The following SDK1 variants were observed in gnomAD, a reference collection of about 807,000 sequenced individuals.
SDK1 encodes sidekick cell adhesion molecule 1.
In SDK1, 157 loss-of-function variants were observed where a neutral mutation model predicts 245.5. The ratio of observed to expected loss-of-function variants is 0.64; its 90% CI spans 0.56 to 0.73. The LOEUF (loss-of-function observed/expected upper bound fraction) is 0.73. SDK1 is among the 30% of genes least tolerant of loss of function. SDK1 has a pLI of 0.00. For missense variants in SDK1, 3,583 were observed against 3,002.3 expected, an observed-to-expected ratio of 1.19 and a Z score of -4.52; for synonymous variants, 1,647 against 1,278.5, an observed-to-expected ratio of 1.29 and a Z score of -6.15.
At chr7:4,022,753 G>A (rs540934231) in intron 17 of SDK1, among the ~76,000 whole-genome samples, 8 of 151,056 alleles carry the variant, frequency 5.3e-5, no homozygotes, top group East Asian at 3.9e-4. Context: ...CACACTCCTC[G>A]TTTTTCTTTT....
rs1341134819 is a variant in SDK1 at position 3,962,778 on chromosome 7, C to G, written c.1356C>G (p.Asp452Glu). Residue 452 changes from aspartate (D) to glutamate (E), a missense_variant, in exon 9 of 45, where the codon GAC becomes GAG. Transcript: ENST00000404826. ...GLRIQKLRPE[D>E]SGIFQCFASN... ...GCATCCAGAAGCTGCGTCCAGAGGA[C>G]TCCGGAATCTTCCAGTGCTTCGCCA... The G allele has an allele frequency of 6.2e-7, 1 of 1,613,714 alleles. No homozygotes were observed. Among genetic ancestry groups the G allele is most frequent in the Middle Eastern group, 1.7e-4 (1 of 6,058 alleles).
At chr7:3,525,021 A>G (rs1040674190) in intron 1 of SDK1, among the ~76,000 whole-genome samples, 3 of 152,200 alleles carry the variant, frequency 2.0e-5, no homozygotes, top group Non-Finnish European at 4.4e-5. Flanking sequence ...CCAATACAAC[A>G]ATAGAAATAA....
chr7:4,250,079 C>A (rs1209034061), intron 44 of SDK1, among the ~76,000 whole-genome samples: 1 of 152,182 alleles, frequency 6.6e-6, no homozygotes, highest in Non-Finnish European at 1.5e-5. Context: ...CTCTTGGCAA[C>A]CAGTAAGCTA....
chr7:4,017,597 G>T (rs560719286), intron 17 of SDK1, among the ~76,000 whole-genome samples: 6 of 152,084 alleles, frequency 3.9e-5, no homozygotes, highest in Non-Finnish European at 8.8e-5. Context: ...TTCTGTACAC[G>T]CCTTTTGACG....
At chr7:3,805,381 A>C (rs887240576) in intron 4 of SDK1, among the ~76,000 whole-genome samples, 1 of 152,178 alleles carries the variant, frequency 6.6e-6, no homozygotes, top group African/African-American at 2.4e-5. Context: ...TTGATGCTCA[A>C]ATTGCCCCTT....
Position 4,237,747 on chromosome 7 carries a change from G to A in SDK1, c.6093G>A (p.Leu2031=), listed in dbSNP as rs1290326585. 3 of 1,614,044 alleles carry A rather than the reference G, an allele frequency of 1.9e-6. No homozygotes were observed. The highest frequency in any genetic ancestry group is 1.7e-5 in the Admixed American group (1 of 60,004). ...VILLVVFALV[L]HGQNKKYKNC... ...TGCTGGTGGTGTTCGCCCTCGTCCT[G>A]CACGGGCAGAATAAGAAGTATAAGA... Residue 2031 remains leucine, a synonymous_variant, in exon 42 of 45, where the codon CTG becomes CTA. Coordinates refer to ENST00000404826, the MANE Select transcript of SDK1 (RefSeq NM_152744.4).
At chr7:3,613,558 C>T (rs751295204) in intron 1 of SDK1, among the ~76,000 whole-genome samples, 2 of 152,062 alleles carry the variant, frequency 1.3e-5, no homozygotes, top group African/African-American at 4.8e-5. Context: ...TAAATTAGTT[C>T]AGCCATTGTG....
At chr7:3,520,572 A>T (rs538016521) in intron 1 of SDK1, among the ~76,000 whole-genome samples, 1 of 152,318 alleles carries the variant, frequency 6.6e-6, no homozygotes, top group South Asian at 2.1e-4. Flanking sequence ...AGTTGAAGCA[A>T]ATAGTCTTAA....
intron 28 of SDK1, among the ~76,000 whole-genome samples, chr7:4,140,383 G>T (rs1409702694): frequency 6.6e-6 from 1 of 152,212 alleles, no homozygotes; most frequent in Non-Finnish European, 1.5e-5. Context: ...CATGCTGGAG[G>T]CGTGGCTCTG....
chr7:4,121,393 G>C (rs1363577777), intron 25 of SDK1, among the ~76,000 whole-genome samples: 1 of 152,260 alleles, frequency 6.6e-6, no homozygotes, highest in Non-Finnish European at 1.5e-5. Context: ...CCGCCATGCT[G>C]TTCTCATGAT....
intron 17 of SDK1, among the ~76,000 whole-genome samples, chr7:4,042,879 A>G (rs961310554): frequency 6.6e-6 from 1 of 152,238 alleles, no homozygotes; most frequent in Non-Finnish European, 1.5e-5. Flanking sequence ...TTTTAATTCC[A>G]TTGTCCACAA....
chr7:3,837,060 G>A (rs1780043833), intron 5 of SDK1, among the ~76,000 whole-genome samples: 1 of 152,128 alleles, frequency 6.6e-6, no homozygotes, highest in Admixed American at 6.6e-5. Context: ...GACACCGCAT[G>A]ATCTCATTTA....
chr7:3,672,979 C>CT, intron 4 of SDK1, among the ~76,000 whole-genome samples: 1 of 150,520 alleles, frequency 6.6e-6, no homozygotes, highest in Non-Finnish European at 1.5e-5. Context: ...TCTTTTATTC[C>CT]TTTTTTCTAT....
At chr7:3,805,127 A>G (rs764260041) in intron 4 of SDK1, among the ~76,000 whole-genome samples, 7 of 152,242 alleles carry the variant, frequency 4.6e-5, no homozygotes, top group Non-Finnish European at 8.8e-5. Context: ...GGACACCATA[A>G]GTACATACAA....
intron 22 of SDK1, among the ~76,000 whole-genome samples, chr7:4,092,526 G>C (rs947629654): frequency 2.0e-5 from 3 of 152,188 alleles, no homozygotes; most frequent in Admixed American, 2.0e-4. Context: ...TGGGATGCAA[G>C]ACAAACCCAG....
intron 1 of SDK1, among the ~76,000 whole-genome samples, chr7:3,474,950 C>T (rs1449819103): frequency 6.6e-6 from 1 of 152,158 alleles, no homozygotes; most frequent in African/African-American, 2.4e-5. Context: ...CCTGGCCTAC[C>T]AAAATTCTGG....
chr7:3,790,923 T>C (rs959026293), intron 4 of SDK1, among the ~76,000 whole-genome samples: 4 of 152,088 alleles, frequency 2.6e-5, no homozygotes, highest in Admixed American at 2.6e-4. Context: ...AGAAATTAAC[T>C]TGACAGTAAT....
intron 1 of SDK1, among the ~76,000 whole-genome samples, chr7:3,501,688 A>AT (rs1332368891): frequency 2.0e-5 from 3 of 152,112 alleles, no homozygotes; most frequent in African/African-American, 7.2e-5. Context: ...TTGTTCATTA[A>AT]TTTGTTCTAG....
At chr7:4,102,071 G>A (rs548175143) in intron 22 of SDK1, among the ~76,000 whole-genome samples, 6 of 152,316 alleles carry the variant, frequency 3.9e-5, no homozygotes, top group African/African-American at 1.4e-4. Flanking sequence ...GAAGGGCTGG[G>A]AATCTAGAGC....
Sources: gnomAD v4.1 joint callset for allele counts (sites outside exome capture counted in the v4.1 genomes callset) on GRCh38, gnomAD v4.1.1 for gene constraint, MANE v1.5 for transcripts, NCBI Gene and HGNC (gene_info 2026-07-23, HGNC 2026-07-21) for gene names.